The following HERPUD2 variants were observed in gnomAD, a reference collection of about 807,000 sequenced individuals.
HERPUD2 encodes the protein HERPUD family member 2.
A neutral mutation model predicts 49.9 loss-of-function variants in HERPUD2; 13 were observed. The ratio of observed to expected loss-of-function variants is 0.26; its 90% CI spans 0.17 to 0.41. The LOEUF (loss-of-function observed/expected upper bound fraction) is 0.41. Among genes scored for constraint, HERPUD2 ranks in the 10% least tolerant of loss-of-function variants. The pLI is 1.00. For synonymous variants in HERPUD2, 172 were observed against 171.4 expected (o/e 1.00, Z -0.03); for missense variants, 449 against 492.2 (o/e 0.91, Z 0.83).
At chr7:35,670,578 T>C (rs1322880556) in intron 3 of HERPUD2, among the ~76,000 whole-genome samples, 2 of 152,080 alleles carry the variant, frequency 1.3e-5, no homozygotes, top group Non-Finnish European at 2.9e-5. Context: ...TTATTTTGCA[T>C]ACGAAGCAGT....
intron 5 of HERPUD2, among the ~76,000 whole-genome samples, chr7:35,657,144 T>C (rs1226528985): frequency 6.6e-6 from 1 of 152,060 alleles, no homozygotes; most frequent in East Asian, 1.9e-4. Context: ...TACAAAGAAC[T>C]CATATAACTC....
At chr7:35,678,735 TG>T (rs530377125) in intron 2 of HERPUD2, among the ~76,000 whole-genome samples, 5 of 152,354 alleles carry the variant, frequency 3.3e-5, no homozygotes, top group South Asian at 2.1e-4. Flanking sequence ...ATCTAACTTA[TG>T]TTTTTTTATT....
chr7:35,690,733 C>T (rs547987988), intron 2 of HERPUD2, among the ~76,000 whole-genome samples: 9 of 151,682 alleles, frequency 5.9e-5, no homozygotes, highest in Admixed American at 2.0e-4. Flanking sequence ...TGCTTGAAGG[C>T]GGGAGGCAGA....
At chr7:35,639,045 T>C (rs1784922534) in intron 5 of HERPUD2, among the ~76,000 whole-genome samples, 1 of 152,040 alleles carries the variant, frequency 6.6e-6, no homozygotes, top group African/African-American at 2.4e-5. Flanking sequence ...TTTTTTTTTT[T>C]TGAGACGGAA....
At chr7:35,693,304 C>A (rs563724698) in intron 2 of HERPUD2, among the ~76,000 whole-genome samples, 2 of 152,286 alleles carry the variant, frequency 1.3e-5, no homozygotes, top group Admixed American at 1.3e-4. Flanking sequence ...AAACTAATGT[C>A]CATGTATCCT....
At chr7:35,645,452 T>C (rs1189845112) in intron 5 of HERPUD2, among the ~76,000 whole-genome samples, 1 of 152,054 alleles carries the variant, frequency 6.6e-6, no homozygotes. Context: ...ATATATATTA[T>C]ATAAACAAAG....
At chr7:35,644,251 T>G (rs1785012763) in intron 5 of HERPUD2, among the ~76,000 whole-genome samples, 1 of 150,914 alleles carries the variant, frequency 6.6e-6, no homozygotes, top group Admixed American at 6.6e-5. Context: ...ATGGGATAAT[T>G]CCTTTAAAAA....
chr7:35,683,689 G>T (rs1785965636), intron 2 of HERPUD2, among the ~76,000 whole-genome samples: 1 of 152,132 alleles, frequency 6.6e-6, no homozygotes, highest in South Asian at 2.1e-4. Flanking sequence ...CTAATATCCG[G>T]TATCTACAAT....
intron 2 of HERPUD2, among the ~76,000 whole-genome samples, chr7:35,693,492 A>G (rs1786237629): frequency 6.6e-6 from 1 of 152,214 alleles, no homozygotes; most frequent in South Asian, 2.1e-4. Flanking sequence ...CAAGTGTTGA[A>G]AGTAAAATGG....
intron 2 of HERPUD2, among the ~76,000 whole-genome samples, chr7:35,674,416 G>T (rs1304492027): frequency 0.15 from 4,315 of 28,610 alleles, 95 homozygotes; most frequent in African/African-American, 0.18. Flanking sequence ...GAGAGAGAGA[G>T]AGAGAGAGAG....
At chr7:35,679,972 C>G (rs1785844196) in intron 2 of HERPUD2, among the ~76,000 whole-genome samples, 2 of 152,162 alleles carry the variant, frequency 1.3e-5, no homozygotes, top group Non-Finnish European at 2.9e-5. Context: ...CCAAAAGTTC[C>G]TCTCAGATCA....
chr7:35,661,911 G>A (rs1403364815), intron 5 of HERPUD2, among the ~76,000 whole-genome samples: 7 of 152,148 alleles, frequency 4.6e-5, no homozygotes, highest in African/African-American at 9.7e-5. Flanking sequence ...CCAACACTAC[G>A]TTGAAAAGGA....
At chr7:35,693,329 T>C (rs1181093070) in intron 2 of HERPUD2, among the ~76,000 whole-genome samples, 1 of 152,114 alleles carries the variant, frequency 6.6e-6, no homozygotes, top group Non-Finnish European at 1.5e-5. Flanking sequence ...AGGAGAAAAA[T>C]GTTGAAAGGG....
intron 2 of HERPUD2, among the ~76,000 whole-genome samples, chr7:35,688,639 T>C (rs1240352253): frequency 1.3e-5 from 2 of 152,258 alleles, no homozygotes; most frequent in South Asian, 4.1e-4. Flanking sequence ...GTTAGCACCA[T>C]AGTAAGGCTG....
intron 2 of HERPUD2, among the ~76,000 whole-genome samples, chr7:35,676,464 T>C (rs1225230071): frequency 6.6e-6 from 1 of 152,196 alleles, no homozygotes; most frequent in Non-Finnish European, 1.5e-5. Flanking sequence ...CTGTCTCTAA[T>C]AGTAGCTTCC....
At chr7:35,692,894 A>G (rs559285678) in intron 2 of HERPUD2, among the ~76,000 whole-genome samples, 4 of 152,360 alleles carry the variant, frequency 2.6e-5, no homozygotes, top group African/African-American at 7.2e-5. Context: ...TAAGTGTAGA[A>G]AGCATAGTTG....
chr7:35,686,449 A>C (rs765927679), intron 2 of HERPUD2, among the ~76,000 whole-genome samples: 3 of 104,568 alleles, frequency 2.9e-5, no homozygotes, highest in African/African-American at 3.8e-5. Flanking sequence ...GGCCTCCCAA[A>C]GTGCTGGGAT....
At chr7:35,647,821 T>C (rs1305907707) in intron 5 of HERPUD2, among the ~76,000 whole-genome samples, 1 of 152,200 alleles carries the variant, frequency 6.6e-6, no homozygotes, top group African/African-American at 2.4e-5. Flanking sequence ...CAGATAACAG[T>C]GCTGAGACCA....
chr7:35,659,751 T>C (rs774726881), intron 5 of HERPUD2, among the ~76,000 whole-genome samples: 2 of 152,210 alleles, frequency 1.3e-5, no homozygotes, highest in Non-Finnish European at 2.9e-5. Context: ...ATTCATCTAG[T>C]AATATATTCC....
Sources: allele counts gnomAD v4.1 joint callset (sites outside exome capture counted in the v4.1 genomes callset), GRCh38; gene constraint gnomAD v4.1.1; transcripts MANE v1.5; gene names NCBI Gene and HGNC (gene_info 2026-07-23, HGNC 2026-07-21).